Variants in KIF13B observed in about 807,000 individuals in gnomAD.
KIF13B encodes the protein kinesin family member 13B, also known as kinesin-like protein KIF13B.
In KIF13B, 127 loss-of-function variants were observed where a neutral mutation model predicts 222.0. The observed-to-expected ratio is 0.57, with a 90% CI of 0.50 to 0.66. The LOEUF is 0.66. KIF13B is among the 30% of genes least tolerant of loss of function. The probability of loss-of-function intolerance (pLI) is 0.00; values close to 1 mark genes in which losing one functional copy is unlikely to be tolerated. For missense variants in KIF13B, 2,173 were observed against 2,379.0 expected (o/e 0.91, Z 1.80); for synonymous variants, 976 against 919.0 (o/e 1.06, Z -1.12).
chr8:29,085,839 G>A (rs1428412000), intron 37 of KIF13B, among the ~76,000 whole-genome samples: 1 of 90,168 alleles, frequency 1.1e-5, no homozygotes, highest in Non-Finnish European at 1.9e-5. Flanking sequence ...GACAGAACAA[G>A]AGCCCGTAAC....
intron 18 of KIF13B, 96 bp downstream of exon 18, chr8:29,146,282 G>T: frequency 7.9e-7 from 1 of 1,262,810 alleles, no homozygotes; most frequent in Non-Finnish European, 1.2e-6. Flanking sequence ...CTTGGGGCAG[G>T]CACAGACAGG....
At chr8:29,107,229 T>C (rs1402698872) in intron 35 of KIF13B, among the ~76,000 whole-genome samples, 1 of 152,148 alleles carries the variant, frequency 6.6e-6, no homozygotes, top group Non-Finnish European at 1.5e-5. Context: ...AGTACTTCTC[T>C]ACAAAAATCT....
rs777406920 is a variant in KIF13B at position 29,092,806 on chromosome 8, T to C, written c.4397A>G (p.Lys1466Arg). ...SFVPQMPKLL[K>R]SLFPVRDEKR... ...CTCATCGCGGACGGGAAAGAGAGAC[T>C]TGAGGAGCTTTGGCATTTGCGGCAC... is the stretch of plus-strand genomic sequence containing the variant. Residue 1466 changes from lysine to arginine, a missense_variant, in exon 37 of 40, where the codon AAG becomes AGG. By Grantham distance (26) the Lys-to-Arg change is conservative (BLOSUM62 2). Coordinates refer to ENST00000524189, the MANE Select transcript of KIF13B (RefSeq NM_015254.4). The C allele has an allele frequency of 1.9e-6, 3 of 1,613,236 alleles. No individual in the cohort carries two copies. The highest frequency in any genetic ancestry group is 2.7e-5 in the African/African-American group (2 of 74,908).
intron 2 of KIF13B, chr8:29,219,499 T>G (rs1814645062): frequency 6.6e-6 from 1 of 152,166 alleles, no homozygotes; most frequent in African/African-American, 2.4e-5. Context: ...GCCTCATGCC[T>G]GTAATCCCAG....
chr8:29,101,068 G>A (rs1037949343), intron 35 of KIF13B, among the ~76,000 whole-genome samples: 7 of 152,184 alleles, frequency 4.6e-5, no homozygotes, highest in South Asian at 2.1e-4. Context: ...CATCGAGAAC[G>A]TAAGCTCTGA....
chr8:29,135,727 G>A (rs530186373), intron 21 of KIF13B, among the ~76,000 whole-genome samples: 1 of 152,096 alleles, frequency 6.6e-6, no homozygotes, highest in African/African-American at 2.4e-5. Flanking sequence ...AAACCCCATC[G>A]CTACTAAAAT....
At chr8:29,252,910 A>G (rs965336595) in intron 1 of KIF13B, among the ~76,000 whole-genome samples, 4 of 152,210 alleles carry the variant, frequency 2.6e-5, no homozygotes, top group African/African-American at 7.2e-5. Context: ...TTATTTTCTA[A>G]AAAGAGATAT....
In KIF13B at chr8:29,260,853, G is replaced by A. The variant is rs148087280; in HGVS notation, c.55+2127C>T. On this transcript the variant is annotated intron_variant, in intron 1 of 39. Coordinates refer to ENST00000524189, the MANE Select transcript of KIF13B (RefSeq NM_015254.4). ...GGCTGGTCTCGAACTCCTGACCTCAGGTGATCCACCCGCCTCGGCCTCCCA... is the reference window on the plus strand; with the variant it reads ...GGCTGGTCTCGAACTCCTGACCTCAAGTGATCCACCCGCCTCGGCCTCCCA... 7.7e-3 allele frequency among the ~76,000 whole-genome samples: 1,166 copies of A among 152,152 alleles called. 16 individuals carry two copies. The highest frequency in any genetic ancestry group is 0.027 in the African/African-American group (1,112 of 41,514).
intron 1 of KIF13B, among the ~76,000 whole-genome samples, chr8:29,257,733 G>A (rs1427748096): frequency 1.3e-5 from 2 of 152,022 alleles, no homozygotes; most frequent in Admixed American, 6.6e-5. Flanking sequence ...TAGAGCCCAG[G>A]AGGTTGAGGT....
At position 29,070,871 on chromosome 8, in the gene KIF13B, C is replaced by G. The variant is rs151099051; in HGVS notation, c.5219-105G>C. On this transcript the variant is annotated intron_variant, in intron 39 of 39. Transcript: ENST00000524189. The surrounding 1 kb of genome is among the most constrained non-coding windows in gnomAD (Gnocchi z 4.1). ...CCATGTGCCCACACTGCCACCCCCC[C>G]GCACAGGCCCTACACAGCCAGCACT... 1.9e-3 allele frequency: 2,287 copies of G among 1,222,164 alleles called. 30 individuals are homozygous for G. The East Asian group carries it at 0.021, about 11-fold the overall frequency. The allele number at this position is 1,222,164 out of a possible 1,614,324, so 75.7% of individuals were successfully genotyped here.
chr8:29,228,643 C>A (rs1284736832), intron 2 of KIF13B, among the ~76,000 whole-genome samples: 2 of 151,840 alleles, frequency 1.3e-5, no homozygotes, highest in African/African-American at 2.4e-5. Context: ...CCTGCTACAT[C>A]TGTCTCAAGG....
At chr8:29,107,242 T>C (rs1158455473) in intron 35 of KIF13B, among the ~76,000 whole-genome samples, 1 of 152,132 alleles carries the variant, frequency 6.6e-6, no homozygotes, top group Admixed American at 6.5e-5. Context: ...AAAAATCTGA[T>C]TTGGGCCAGG....
At chr8:29,139,663 G>A (rs1374633643) in intron 21 of KIF13B, among the ~76,000 whole-genome samples, 1 of 152,152 alleles carries the variant, frequency 6.6e-6, no homozygotes, top group African/African-American at 2.4e-5. Context: ...GTTCTAGGAT[G>A]AGCTATGAAT....
chr8:29,079,347 ACACT>A (rs1283803224), intron 37 of KIF13B, among the ~76,000 whole-genome samples: 1 of 152,244 alleles, frequency 6.6e-6, no homozygotes, highest in African/African-American at 2.4e-5. Context: ...TCATCCGCAG[ACACT>A]CACACATGAC....
chr8:29,108,443 T>G (rs1809199108), intron 34 of KIF13B, among the ~76,000 whole-genome samples: 4 of 152,260 alleles, frequency 2.6e-5, no homozygotes, highest in Admixed American at 2.6e-4. Flanking sequence ...CACAACCGGC[T>G]GGACCTGAAC....
intron 2 of KIF13B, among the ~76,000 whole-genome samples, chr8:29,213,159 G>C (rs1405306902): frequency 6.6e-6 from 1 of 152,126 alleles, no homozygotes; most frequent in East Asian, 1.9e-4. Context: ...CAGTAGTAAA[G>C]TAGGGTCACT....
chr8:29,215,506 T>C (rs1814436091), intron 2 of KIF13B, among the ~76,000 whole-genome samples: 1 of 152,166 alleles, frequency 6.6e-6, no homozygotes, highest in African/African-American at 2.4e-5. Flanking sequence ...TTGAGCAACG[T>C]AGGGAGACCC....
intron 15 of KIF13B, among the ~76,000 whole-genome samples, chr8:29,149,123 T>G (rs1586844709): frequency 1.3e-5 from 2 of 152,176 alleles, no homozygotes; most frequent in South Asian, 4.1e-4. Flanking sequence ...TGGGAAAAGA[T>G]GTGAAAATGG....
At chr8:29,257,151 C>T (rs1337417024) in intron 1 of KIF13B, among the ~76,000 whole-genome samples, 2 of 152,164 alleles carry the variant, frequency 1.3e-5, no homozygotes, top group Non-Finnish European at 2.9e-5. Flanking sequence ...CAAAAAGCAG[C>T]TATTTTCTTT....
Sources: gnomAD v4.1 joint callset for allele counts (sites outside exome capture counted in the v4.1 genomes callset) on GRCh38, gnomAD v4.1.1 for gene constraint, Gnocchi (gnomAD v3.1) non-coding constraint, MANE v1.5 for transcripts, NCBI Gene and HGNC (gene_info 2026-07-23, HGNC 2026-07-21) for gene names.